SCMH1: variants seen among roughly 807,000 people sequenced by gnomAD.
SCMH1 encodes Scm polycomb group protein homolog 1.
A neutral mutation model predicts 70.8 loss-of-function variants in SCMH1; 37 were observed. The observed-to-expected ratio is 0.52, with a 90% confidence interval of 0.40 to 0.69. The LOEUF (loss-of-function observed/expected upper bound fraction) is 0.69, where lower values mean the gene tolerates loss of function less well. Ranked by LOEUF, SCMH1 falls within the 30% of genes least tolerant of loss-of-function variation. The pLI, the probability that SCMH1 is intolerant of heterozygous loss-of-function variation, is 0.00. For synonymous variants in SCMH1, 292 were observed against 307.4 expected (o/e 0.95, Z 0.52); for missense variants, 607 against 827.3 (o/e 0.73, Z 3.27).
At chr1:41,028,432 G>A (rs997760423) in intron 14 of SCMH1, 113 bp from the exon 16 acceptor site, 32 of 1,517,180 alleles carry the variant, frequency 2.1e-5, no homozygotes, top group South Asian at 2.5e-5. Flanking sequence ...CCGCCACATG[G>A]AGTCCAGTTC....
chr1:41,209,365 A>G (rs767189889), intron 1 of SCMH1, among the ~76,000 whole-genome samples: 1 of 152,246 alleles, frequency 6.6e-6, no homozygotes, highest in African/African-American at 2.4e-5. Flanking sequence ...AACTCATTTT[A>G]TGAGGCCAGC....
At chr1:41,159,775 T>TCA in intron 4 of SCMH1, 1 of 1,516,070 alleles carries the variant, frequency 6.6e-7, no homozygotes, top group Non-Finnish European at 8.8e-7. Context: ...ATAGAATGCT[T>TCA]CACTTCAAAG....
In SCMH1 at chr1:41,207,869, G is replaced by A. The variant is rs531088422; in HGVS notation, c.-117-21619C>T. Among the ~76,000 whole-genome samples the A allele has an allele frequency of 3.4e-4, 51 of 150,764 alleles. 1 individual carries two copies. The highest frequency in any genetic ancestry group is 1.5e-3 in the South Asian group (7 of 4,694). Reference sequence around the variant, plus strand: ...CAACCATTGTGGAAGTCAGTGTGGCGATTCCTCAGGGATCTAGAACTAGAA... The same window carrying A: ...CAACCATTGTGGAAGTCAGTGTGGCAATTCCTCAGGGATCTAGAACTAGAA... On this transcript the variant is annotated intron_variant, in intron 1 of 14. Transcript: ENST00000337495.
At chr1:41,138,787 C>G (rs948976460) in intron 6 of SCMH1, among the ~76,000 whole-genome samples, 3 of 152,070 alleles carry the variant, frequency 2.0e-5, no homozygotes, top group Non-Finnish European at 4.4e-5. Context: ...TCTGATTAGT[C>G]GTTGGTTTTG....
intron 4 of SCMH1, among the ~76,000 whole-genome samples, chr1:41,156,953 C>CTT (rs66641047): frequency 0.061 from 6,707 of 110,746 alleles, 259 homozygotes; most frequent in South Asian, 0.12. Context: ...TATAAGCCAA[C>CTT]TTTTTTTTTT....
chr1:41,129,049 T>C (rs1673940973), intron 6 of SCMH1, among the ~76,000 whole-genome samples: 2 of 152,140 alleles, frequency 1.3e-5, no homozygotes, highest in South Asian at 4.1e-4. Context: ...ACGCTCATGA[T>C]TTCCTCTATC....
upstream of SCMH1, chr1:41,242,197 A>T (rs1178036336): frequency 7.7e-6 from 1 of 129,184 alleles, no homozygotes; most frequent in Non-Finnish European, 1.7e-5. The surrounding 1 kb of genome is among the most constrained non-coding windows in gnomAD (Gnocchi z 5.2). Flanking sequence ...GGGGGGCTCC[A>T]CCGAGCTGGC....
At chr1:41,213,135 CAATTT>C (rs1377748118) in intron 1 of SCMH1, among the ~76,000 whole-genome samples, 1 of 152,004 alleles carries the variant, frequency 6.6e-6, no homozygotes, top group Middle Eastern at 3.2e-3. Context: ...TGTTAAAGTA[CAATTT>C]AATTACAAAT....
Position 41,087,912 on chromosome 1 carries a change from A to T in SCMH1, c.746-12461T>A, listed in dbSNP as rs926756661. Among the ~76,000 whole-genome samples the T allele has an allele frequency of 2.2e-4, 19 of 85,850 alleles. 1 individual carries two copies. Among genetic ancestry groups the T allele is most frequent in the African/African-American group, 9.1e-4 (19 of 20,822 alleles). 56.3% of individuals were successfully genotyped at this position (85,850 alleles called of 152,430 possible). A position where few individuals can be genotyped will look rare whatever the true frequency, so the allele number is the denominator to read the frequency against. On this transcript the variant is annotated intron_variant, in intron 8 of 14. Coordinates refer to ENST00000337495, the Ensembl canonical transcript of SCMH1. ...TATTGTACAATATACTATATATAAT[A>T]ATCTATACACTATATATAGTTTCTG...
At chr1:41,092,077 C>T (rs1663719717) in intron 8 of SCMH1, among the ~76,000 whole-genome samples, 1 of 152,114 alleles carries the variant, frequency 6.6e-6, no homozygotes, top group Admixed American at 6.5e-5. Context: ...CAATCCTAAA[C>T]CAAAAGAATA....
chr1:41,196,050 A>C (rs1331429385), intron 1 of SCMH1, among the ~76,000 whole-genome samples: 1 of 152,194 alleles, frequency 6.6e-6, no homozygotes, highest in Non-Finnish European at 1.5e-5. Context: ...AATATTGCAG[A>C]AAGAAATTAA....
intron 9 of SCMH1, among the ~76,000 whole-genome samples, chr1:41,074,608 T>C (rs1314844952): frequency 1.3e-5 from 2 of 152,192 alleles, no homozygotes; most frequent in African/African-American, 4.8e-5. Context: ...GCTGGACATC[T>C]ACTTTGGAAA....
At chr1:41,227,464 T>C (rs1346007035) in intron 1 of SCMH1, among the ~76,000 whole-genome samples, 1 of 152,224 alleles carries the variant, frequency 6.6e-6, no homozygotes, top group Non-Finnish European at 1.5e-5. Flanking sequence ...CAGACGAACC[T>C]TGAAGACATG....
At chr1:41,058,378 GTTTTTTTTTTT>G (rs548733204) in intron 10 of SCMH1, among the ~76,000 whole-genome samples, 1 of 81,638 alleles carries the variant, frequency 1.2e-5, no homozygotes, top group African/African-American at 5.1e-5. Flanking sequence ...TTTCTTTCTT[GTTTTTTTTTTT>G]TTTTTTTTTT....
At chr1:41,065,047 C>T (rs1173770602) in intron 10 of SCMH1, among the ~76,000 whole-genome samples, 6 of 152,000 alleles carry the variant, frequency 3.9e-5, no homozygotes, top group African/African-American at 7.3e-5. Flanking sequence ...TTGAAAGAAA[C>T]GTAAAAAGAA....
At chr1:41,202,649 C>T (rs1440021284) in intron 1 of SCMH1, among the ~76,000 whole-genome samples, 2 of 152,104 alleles carry the variant, frequency 1.3e-5, no homozygotes, top group Non-Finnish European at 2.9e-5. Context: ...CTGAAGAATA[C>T]AAACTCTTAT....
intron 2 of SCMH1, among the ~76,000 whole-genome samples, chr1:41,167,374 T>C (rs1646477763): frequency 1.3e-5 from 2 of 152,212 alleles, no homozygotes; most frequent in Admixed American, 1.3e-4. Flanking sequence ...AAGGTACTGC[T>C]GGCCTCATAA....
chr1:41,128,711 A>C (rs917528164), intron 6 of SCMH1, among the ~76,000 whole-genome samples: 1 of 152,080 alleles, frequency 6.6e-6, no homozygotes, highest in African/African-American at 2.4e-5. Context: ...TAGTATTCAA[A>C]AATTTTTCAA....
chr1:41,213,497 G>A (rs1182614584), intron 1 of SCMH1, among the ~76,000 whole-genome samples: 2 of 152,004 alleles, frequency 1.3e-5, no homozygotes, highest in Non-Finnish European at 2.9e-5. Context: ...GGTTTTATGG[G>A]TTTTCTGAAC....
Sources: gnomAD v4.1 joint callset for allele counts (sites outside exome capture counted in the v4.1 genomes callset) on GRCh38, gnomAD v4.1.1 for gene constraint, Gnocchi (gnomAD v3.1) non-coding constraint, MANE v1.5 for transcripts, NCBI Gene and HGNC (gene_info 2026-07-23, HGNC 2026-07-21) for gene names.